The following GLT8D2 variants were observed in gnomAD, a reference collection of about 807,000 sequenced individuals.
GLT8D2 encodes the protein glycosyltransferase 8 domain-containing protein 2.
In GLT8D2, 45 loss-of-function variants were observed where a neutral mutation model predicts 44.5. The observed-to-expected ratio is 1.01, with a 90% CI of 0.80 to 1.30. The LOEUF (loss-of-function observed/expected upper bound fraction) is 1.30, where lower values mean the gene tolerates loss of function less well. Among genes scored for constraint, GLT8D2 ranks in the 50% most tolerant of loss-of-function variants. GLT8D2 has a pLI of 0.00. For synonymous variants in GLT8D2, 156 were observed against 157.2 expected, an observed-to-expected ratio of 0.99 and a Z score of 0.06; for missense variants, 400 against 430.4, an observed-to-expected ratio of 0.93 and a Z score of 0.62.
At chr12:104,025,731 C>A (rs1487566284) in intron 1 of GLT8D2, among the ~76,000 whole-genome samples, 1 of 152,106 alleles carries the variant, frequency 6.6e-6, no homozygotes, top group Admixed American at 6.6e-5. Flanking sequence ...GTTGAGAAAG[C>A]CATTTGTTGA....
At chr12:103,997,716 T>C (rs1873635959) in intron 6 of GLT8D2, among the ~76,000 whole-genome samples, 181 bp from the exon 7 acceptor site, 1 of 152,088 alleles carries the variant, frequency 6.6e-6, no homozygotes, top group Admixed American at 6.6e-5. Flanking sequence ...ATCTGAGGCC[T>C]GGGGCTGAAG....
Position 103,993,466 on chromosome 12 carries a change from G to C in GLT8D2, c.806C>G (p.Ala269Gly). Residue 269 changes from alanine to glycine, a missense_variant, in exon 10 of 11, where the codon GCC becomes GGC. By Grantham distance (60) the Ala-to-Gly change is moderately conservative (BLOSUM62 0). Transcript: ENST00000360814. ...LYSSSLGGGV[A>G]TSPMLIVFHG... ...AAACACAATCAGCATTGGGGAGGTG[G>C]CCACCCCTCCTCCCAGGGAGCTGCT... 6.2e-7 allele frequency: 1 copy of C among 1,611,554 alleles called. No homozygotes were observed. The highest frequency in any genetic ancestry group is 8.5e-7 in the Non-Finnish European group (1 of 1,178,874).
chr12:103,993,699 A>C (rs116993466), intron 9 of GLT8D2, among the ~76,000 whole-genome samples, 195 bp from the exon 10 acceptor site: 1 of 152,216 alleles, frequency 6.6e-6, no homozygotes, highest in Admixed American at 6.5e-5. Context: ...ATGAACTCCT[A>C]TATACATCAC....
intron 3 of GLT8D2, among the ~76,000 whole-genome samples, chr12:104,016,770 A>AAG (rs1566199626): frequency 1.9e-3 from 132 of 67,828 alleles, no homozygotes; most frequent in African/African-American, 8.8e-3. Flanking sequence ...AAAGAAAGAA[A>AAG]GAAAGAAGGA....
rs373952967 is a variant in GLT8D2, at chr12:103,996,802, G to C, written c.533C>G (p.Ala178Gly). The change falls in exon 8 of 11, where the codon GCG (alanine) becomes GGG (glycine). Residue 178 changes from alanine (A) to glycine (G), a missense_variant. Coordinates refer to ENST00000360814, the MANE Select transcript of GLT8D2 (RefSeq NM_001384711.1). Reference sequence around the variant, plus strand: ...ATCGCAGTCATCTGAGAAAGCCGCCGCGTGGCCCAGGGCCAAGGTGGTGTC... The same window carrying C: ...ATCGCAGTCATCTGAGAAAGCCGCCCCGTGGCCCAGGGCCAAGGTGGTGTC... Reference protein sequence around the residue: ...LYDTTLALGHAAAFSDDCDLP... With the variant: ...LYDTTLALGHGAAFSDDCDLP... The C allele has an allele frequency of 1.5e-5, 25 of 1,614,114 alleles. No homozygotes were observed. Among genetic ancestry groups the C allele is most frequent in the Non-Finnish European group, 2.1e-5 (25 of 1,179,990 alleles).
At chr12:103,995,781 C>T (rs892590528) in intron 8 of GLT8D2, among the ~76,000 whole-genome samples, 8 of 152,302 alleles carry the variant, frequency 5.3e-5, no homozygotes, top group Non-Finnish European at 1.0e-4. Context: ...TCTATAATTC[C>T]TTAATGTGAT....
intron 1 of GLT8D2, among the ~76,000 whole-genome samples, chr12:104,055,890 G>A: frequency 6.6e-6 from 1 of 152,286 alleles, no homozygotes; most frequent in Non-Finnish European, 1.5e-5. Flanking sequence ...CACATATGGG[G>A]CAGGAATTAC....
At position 104,023,713 on chromosome 12, in the gene GLT8D2, G is replaced by A. The variant is rs761745296; in HGVS notation, c.-163-2222C>T. Among the ~76,000 whole-genome samples the A allele has an allele frequency of 4.6e-5, 7 of 152,088 alleles. 1 individual carries two copies. Among genetic ancestry groups the A allele is most frequent in the Non-Finnish European group, 1.0e-4 (7 of 68,018 alleles). On this transcript the variant is annotated intron_variant, in intron 1 of 10. Coordinates refer to ENST00000360814, the MANE Select transcript of GLT8D2 (RefSeq NM_001384711.1). ...AGGCCCTGCCCAACACCCAGCCCTT[G>A]GCAACCACTGATAGGTTCTCTGTCT...
intron 4 of GLT8D2, chr12:104,014,116 C>A: frequency 1.8e-6 from 1 of 540,790 alleles, no homozygotes; most frequent in Non-Finnish European, 3.3e-6. Context: ...GTAATCCCAG[C>A]ACTTTGGGAG....
chr12:104,008,766 C>G (rs1875424648), intron 4 of GLT8D2, among the ~76,000 whole-genome samples: 2 of 152,222 alleles, frequency 1.3e-5, no homozygotes, highest in African/African-American at 4.8e-5. Flanking sequence ...TGCATGCAGC[C>G]TAGGGACGTG....
At chr12:104,051,511 T>C (rs941463551), upstream of GLT8D2, among the ~76,000 whole-genome samples, 18 of 152,334 alleles carry the variant, frequency 1.2e-4, no homozygotes, top group Admixed American at 9.1e-4. Flanking sequence ...GGGGTACATA[T>C]TGATGTTTCA....
chr12:104,045,937 A>AGAG (rs1555281861), intron 1 of GLT8D2, among the ~76,000 whole-genome samples: 6 of 113,566 alleles, frequency 5.3e-5, no homozygotes, highest in Non-Finnish European at 1.1e-4. Context: ...GAAAGAAAGA[A>AGAG]AAAGAAAGAA....
chr12:104,059,982 C>T (rs1882489400), intron 1 of GLT8D2, among the ~76,000 whole-genome samples: 1 of 152,224 alleles, frequency 6.6e-6, no homozygotes, highest in East Asian at 1.9e-4. Flanking sequence ...CTAACTCATG[C>T]TTCAGTTCTC....
At chr12:104,023,993 C>T (rs939945420) in intron 1 of GLT8D2, among the ~76,000 whole-genome samples, 5 of 152,274 alleles carry the variant, frequency 3.3e-5, no homozygotes, top group African/African-American at 1.2e-4. Context: ...CTTCTGTAAA[C>T]ACTTGTTTAC....
intron 6 of GLT8D2, 28 bp downstream of exon 6, chr12:103,999,369 C>A: frequency 7.9e-7 from 1 of 1,268,420 alleles, no homozygotes; most frequent in South Asian, 1.2e-5. Flanking sequence ...CAAGGACTGT[C>A]CCCAGCACCT....
chr12:104,016,815 G>GAA (rs1373484599), intron 3 of GLT8D2, among the ~76,000 whole-genome samples: 1 of 100,958 alleles, frequency 9.9e-6, no homozygotes, highest in South Asian at 3.4e-4. Flanking sequence ...AGGAAAGAAA[G>GAA]AAAGAGAAAG....
In GLT8D2 at chr12:103,996,776, A is replaced by G. The variant is rs1873479371; in HGVS notation, c.559T>C (p.Leu187=). The change falls in exon 8 of 11, where the codon TTG becomes CTG. Residue 187 remains leucine, a synonymous_variant. Coordinates refer to ENST00000360814, the MANE Select transcript of GLT8D2 (RefSeq NM_001384711.1). ...CTGTTTATGTCCTGAGCAGAGGGCAAATCGCAGTCATCTGAGAAAGCCGCC... is the reference window on the plus strand; with the variant it reads ...CTGTTTATGTCCTGAGCAGAGGGCAGATCGCAGTCATCTGAGAAAGCCGCC... ...HAAAFSDDCD[L]PSAQDINRLV... is the part of the protein sequence containing the mutation. 6.2e-7 allele frequency: 1 copy of G among 1,614,184 alleles called. No individual in the cohort carries two copies. The highest frequency in any genetic ancestry group is 1.1e-5 in the South Asian group (1 of 91,088).
intron 5 of GLT8D2, 151 bp from the exon 6 acceptor site, chr12:103,999,665 C>T (rs1341397660): frequency 1.7e-6 from 1 of 597,156 alleles, no homozygotes; most frequent in South Asian, 2.1e-5. Context: ...ATCCCTCTGA[C>T]TTTTCTCCCC....
intron 1 of GLT8D2, among the ~76,000 whole-genome samples, chr12:104,021,962 AGAGGAAGAG>A (rs1486900523): frequency 0.061 from 3,129 of 51,122 alleles, 420 homozygotes; most frequent in East Asian, 0.09. Flanking sequence ...AAGAGGAAGA[AGAGGAAGAG>A]GAAGAGGAAG....
Sources: allele counts gnomAD v4.1 joint callset (sites outside exome capture counted in the v4.1 genomes callset), GRCh38; gene constraint gnomAD v4.1.1; transcripts MANE v1.5; gene names NCBI Gene and HGNC (gene_info 2026-07-23, HGNC 2026-07-21).